The following LIN7A variants were observed in gnomAD, a reference collection of about 807,000 sequenced individuals.
LIN7A encodes protein lin-7 homolog A.
LIN7A carries 25 observed loss-of-function variants against 29.8 expected under a neutral mutation model. That is an observed-to-expected ratio of 0.84 (90% CI 0.61 to 1.17). The LOEUF (loss-of-function observed/expected upper bound fraction) is 1.17, where lower values mean the gene tolerates loss of function less well. Ranked by LOEUF, LIN7A falls within the 50% of genes most tolerant of loss-of-function variation. The pLI is 0.00. For synonymous variants in LIN7A, 118 were observed against 107.5 expected (o/e 1.10, Z -0.60); for missense variants, 239 against 287.0 (o/e 0.83, Z 1.21).
chr12:80,873,948 G>A (rs1365401716), intron 2 of LIN7A, among the ~76,000 whole-genome samples: 1 of 150,908 alleles, frequency 6.6e-6, no homozygotes, highest in Non-Finnish European at 1.5e-5. Flanking sequence ...GCTGGGTTCT[G>A]TAGCTGCATT....
rs56000415 is a variant in LIN7A, at chr12:80,882,287, C to CTTTTTTTTTTTTTTTTTTTTTTTT, written c.201+6963_201+6964insAAAAAAAAAAAAAAAAAAAAAAAA. ...ACAGTACTATCATTTTTCTTTCATTCTTTTTTTTTTTTTTTGAGACGGAGT... is the reference window on the plus strand; with the variant it reads ...ACAGTACTATCATTTTTCTTTCATTCTTTTTTTTTTTTTTTTTTTTTTTTTTTTTTTTTTTTTTTGAGACGGAGT... On this transcript the variant is annotated intron_variant, in intron 2 of 5. Transcript: ENST00000552864. Among the ~76,000 whole-genome samples, 24 of 87,692 alleles carry CTTTTTTTTTTTTTTTTTTTTTTTT rather than the reference C, an allele frequency of 2.7e-4. 4 individuals carry two copies. The highest frequency in any genetic ancestry group is 4.0e-4 in the Non-Finnish European group (14 of 35,012). 57.5% of individuals were successfully genotyped at this position (87,692 alleles called of 152,430 possible).
At chr12:80,818,285 A>AGT (rs1305818208) in intron 4 of LIN7A, among the ~76,000 whole-genome samples, 1 of 151,976 alleles carries the variant, frequency 6.6e-6, no homozygotes. Flanking sequence ...TTATTTTAAG[A>AGT]GTGTGTGTGT....
chr12:80,896,711 A>G (rs1592933009), intron 1 of LIN7A, among the ~76,000 whole-genome samples: 1 of 152,254 alleles, frequency 6.6e-6, no homozygotes. Flanking sequence ...TATATTTGTT[A>G]TCAAAAACTA....
intron 1 of LIN7A, among the ~76,000 whole-genome samples, chr12:80,919,890 C>T (rs1877214803): frequency 6.6e-6 from 1 of 152,056 alleles, no homozygotes; most frequent in Non-Finnish European, 1.5e-5. Flanking sequence ...CCTTCGTCTC[C>T]ACCACCAAGC....
intron 4 of LIN7A, among the ~76,000 whole-genome samples, chr12:80,837,845 C>T (rs552205577): frequency 7.2e-5 from 11 of 151,896 alleles, no homozygotes; most frequent in Admixed American, 2.0e-4. Context: ...TCATCCTCAT[C>T]ATCATCATCA....
chr12:80,934,174 G>A (rs1878077032), intron 1 of LIN7A, among the ~76,000 whole-genome samples: 1 of 152,172 alleles, frequency 6.6e-6, no homozygotes, highest in Non-Finnish European at 1.5e-5. Context: ...TTGCCTCTGT[G>A]TGTATTTTAA....
chr12:80,902,730 T>C (rs376480063), intron 1 of LIN7A, among the ~76,000 whole-genome samples: 3 of 152,084 alleles, frequency 2.0e-5, no homozygotes, highest in East Asian at 1.9e-4. Context: ...AAACTTTACT[T>C]AAGTCATTTA....
In LIN7A at chr12:80,797,533, G is replaced by A. The variant is rs563894728; in HGVS notation, c.*194C>T. Reference sequence around the variant, plus strand: ...GAAGGTCAATGTATGTAAAGCCCACGTGAGCAGTGGCGGTTCAAGCCCAGA... The same window carrying A: ...GAAGGTCAATGTATGTAAAGCCCACATGAGCAGTGGCGGTTCAAGCCCAGA... On this transcript the variant is annotated 3_prime_UTR_variant, in exon 6 of 6. Transcript: ENST00000552864. 1 of 152,760 alleles carries A rather than the reference G, an allele frequency of 6.5e-6. No individual in the cohort carries two copies. The highest frequency in any genetic ancestry group is 1.5e-5 in the Non-Finnish European group (1 of 68,040). The allele number at this position is 152,760 out of a possible 1,614,324, so 9.5% of individuals were successfully genotyped here.
chr12:80,830,242 T>G (rs1872279630), intron 4 of LIN7A, among the ~76,000 whole-genome samples: 1 of 152,246 alleles, frequency 6.6e-6, no homozygotes, highest in African/African-American at 2.4e-5. Flanking sequence ...ATTTATTTAG[T>G]ACTTACTACA....
chr12:80,908,695 A>G (rs902263728), intron 1 of LIN7A, among the ~76,000 whole-genome samples: 4 of 152,098 alleles, frequency 2.6e-5, no homozygotes, highest in African/African-American at 9.6e-5. Flanking sequence ...TTCTAATAGA[A>G]TGATCTCAGT....
chr12:80,857,143 G>A (rs956145210), intron 2 of LIN7A, among the ~76,000 whole-genome samples: 5 of 152,242 alleles, frequency 3.3e-5, no homozygotes, highest in Middle Eastern at 3.4e-3. Flanking sequence ...TTAGGTGGGG[G>A]TACCTGCTTG....
At chr12:80,873,140 G>A (rs1436854471) in intron 2 of LIN7A, among the ~76,000 whole-genome samples, 2 of 152,148 alleles carry the variant, frequency 1.3e-5, no homozygotes, top group Non-Finnish European at 2.9e-5. Flanking sequence ...AGGAAGAGGT[G>A]TGAAGCAATC....
chr12:80,872,146 T>C (rs888003407), intron 2 of LIN7A, among the ~76,000 whole-genome samples: 6 of 152,104 alleles, frequency 3.9e-5, no homozygotes, highest in African/African-American at 1.4e-4. Flanking sequence ...ATCATTTCCA[T>C]TTATTTTTAT....
chr12:80,893,154 C>T (rs1342569901), intron 1 of LIN7A, among the ~76,000 whole-genome samples: 1 of 151,872 alleles, frequency 6.6e-6, no homozygotes, highest in African/African-American at 2.4e-5. Flanking sequence ...TTCCAGAAAC[C>T]CTTGTACTCT....
intron 2 of LIN7A, among the ~76,000 whole-genome samples, chr12:80,879,145 T>C (rs1046871823): frequency 2.0e-5 from 3 of 152,192 alleles, no homozygotes; most frequent in Non-Finnish European, 2.9e-5. Context: ...AAAACATAGA[T>C]TGCTTGCTAT....
intron 2 of LIN7A, among the ~76,000 whole-genome samples, chr12:80,885,997 G>T (rs1875305807): frequency 6.6e-6 from 1 of 152,022 alleles, no homozygotes; most frequent in African/African-American, 2.4e-5. Context: ...TTACAATCTT[G>T]TTGGCAAAAG....
intron 2 of LIN7A, among the ~76,000 whole-genome samples, chr12:80,870,944 C>T (rs556516402): frequency 2.6e-4 from 40 of 152,094 alleles, no homozygotes; most frequent in Non-Finnish European, 4.0e-4. Context: ...AGCAAAGATG[C>T]TAAGGAATTA....
chr12:80,914,245 G>A (rs943352846), intron 1 of LIN7A, among the ~76,000 whole-genome samples: 28 of 152,042 alleles, frequency 1.8e-4, no homozygotes, highest in African/African-American at 6.3e-4. Flanking sequence ...GAGTTTCGTC[G>A]TCTGCATATT....
chr12:80,820,372 A>C (rs1262890965), intron 4 of LIN7A, among the ~76,000 whole-genome samples: 1 of 152,250 alleles, frequency 6.6e-6, no homozygotes. Flanking sequence ...AATGCAGAGC[A>C]TTATCAGTAA....
Sources: gnomAD v4.1 joint callset for allele counts (sites outside exome capture counted in the v4.1 genomes callset) on GRCh38, gnomAD v4.1.1 for gene constraint, MANE v1.5 for transcripts, NCBI Gene and HGNC (gene_info 2026-07-23, HGNC 2026-07-21) for gene names.